TRHDE: variants seen among roughly 807,000 people sequenced by gnomAD.
TRHDE encodes the protein thyrotropin releasing hormone degrading enzyme.
In TRHDE, 72 loss-of-function variants were observed where a neutral mutation model predicts 125.7. The ratio of observed to expected loss-of-function variants is 0.57; its 90% CI spans 0.47 to 0.70. TRHDE has a LOEUF of 0.70. Among genes scored for constraint, TRHDE ranks in the 30% least tolerant of loss-of-function variants. The pLI is 0.00. For missense variants in TRHDE, 1,110 were observed against 1,327.1 expected, an observed-to-expected ratio of 0.84 and a Z score of 2.54; for synonymous variants, 509 against 509.1, an observed-to-expected ratio of 1.00 and a Z score of 0.00.
intron 10 of TRHDE, 94 bp from the exon 11 acceptor site, chr12:72,575,161 T>A: frequency 8.7e-7 from 1 of 1,143,068 alleles, no homozygotes; most frequent in Non-Finnish European, 1.3e-6. Flanking sequence ...ATTCACTTAA[T>A]TATTGGTATT....
chr12:72,189,177 TG>T (rs1443890901), intron 2 of TRHDE, among the ~76,000 whole-genome samples: 2 of 152,272 alleles, frequency 1.3e-5, no homozygotes, highest in Non-Finnish European at 2.9e-5. Context: ...TGAAGAAATC[TG>T]ATCAACTAAT....
chr12:72,273,078 C>T lies in TRHDE; in HGVS notation c.435C>T (p.His145=). 1.3e-6 allele frequency: 2 copies of T among 1,526,226 alleles called. No individual in the cohort carries two copies. The highest frequency in any genetic ancestry group is 1.8e-6 in the Non-Finnish European group (2 of 1,139,170). The allele number at this position is 1,526,226 out of a possible 1,614,324, so 94.5% of individuals were successfully genotyped here. A position where few individuals can be genotyped will look rare whatever the true frequency, so the allele number is the denominator to read the frequency against. Residue 145 remains histidine, a synonymous_variant, in exon 1 of 19, where the codon CAC becomes CAT. Coordinates refer to ENST00000261180, the MANE Select transcript of TRHDE (RefSeq NM_013381.3). This position sits in a 1 kb window ranked among gnomAD's most constrained non-coding sequence, Gnocchi z 5.3. ...GSLPGSARRN[H]HAGGDSWQPE... ...TCCCTGGATCGGCCCGGCGCAACCA[C>T]CACGCAGGCGGGGACTCCTGGCAGC...
rs543328830 is a variant in TRHDE, at chr12:72,411,294, CTAA to C, written c.1315+33175_1315+33177del. ...CATCAAAGAGATTCAACTATTATTA[CTAA>C]TGAGAATTCAATAAGGTGCATATTA... On this transcript the variant is annotated intron_variant, in intron 3 of 18. Coordinates refer to ENST00000261180, the MANE Select transcript of TRHDE (RefSeq NM_013381.3). 8.3e-3 allele frequency among the ~76,000 whole-genome samples: 1,242 copies of C among 150,418 alleles called. 9 individuals are homozygous for C. Among genetic ancestry groups the C allele is most frequent in the Middle Eastern group, 0.022 (6 of 278 alleles).
chr12:72,334,808 T>C (rs1869756618), intron 2 of TRHDE, among the ~76,000 whole-genome samples: 1 of 152,166 alleles, frequency 6.6e-6, no homozygotes, highest in Non-Finnish European at 1.5e-5. Context: ...ATTTATTACT[T>C]ACAGATCCTG....
Position 72,670,692 on chromosome 12 carries a change from G to A in TRHDE, c.*7497G>A, listed in dbSNP as rs1875225523. Reference sequence around the variant, plus strand: ...TAAAAACATATATTTGTGCTATATTGTAAAAATAAAAACAATTTGTTCTCC... The same window carrying A: ...TAAAAACATATATTTGTGCTATATTATAAAAATAAAAACAATTTGTTCTCC... On this transcript the variant is annotated 3_prime_UTR_variant, in exon 19 of 19. Coordinates refer to ENST00000261180, the MANE Select transcript of TRHDE (RefSeq NM_013381.3). 1 of 151,558 alleles carries A rather than the reference G, an allele frequency of 6.6e-6. No homozygotes were observed. The highest frequency in any genetic ancestry group is 1.5e-5 in the Non-Finnish European group (1 of 67,810). The allele number at this position is 151,558 out of a possible 1,614,324, so 9.4% of individuals were successfully genotyped here.
chr12:72,563,894 C>T (rs1038753742), intron 9 of TRHDE, among the ~76,000 whole-genome samples: 4 of 152,092 alleles, frequency 2.6e-5, no homozygotes, highest in African/African-American at 9.7e-5. Flanking sequence ...CTCATGCTGT[C>T]TCCCATTACC....
chr12:72,462,967 T>G (rs2135887810), intron 3 of TRHDE, among the ~76,000 whole-genome samples: 1 of 152,304 alleles, frequency 6.6e-6, no homozygotes, highest in Middle Eastern at 3.4e-3. Flanking sequence ...GAATGCCTAA[T>G]TCAAAGAAGT....
At chr12:72,379,088 T>G (rs1246612500) in intron 3 of TRHDE, among the ~76,000 whole-genome samples, 1 of 152,208 alleles carries the variant, frequency 6.6e-6, no homozygotes. Flanking sequence ...AAGAATAAAG[T>G]GCTTACTTGA....
chr12:72,303,451 G>T (rs1868292082), intron 2 of TRHDE, among the ~76,000 whole-genome samples: 1 of 152,080 alleles, frequency 6.6e-6, no homozygotes, highest in Non-Finnish European at 1.5e-5. Flanking sequence ...AGACTTGGTG[G>T]AGCCCCTACA....
At chr12:72,366,625 A>G (rs1429860930) in intron 2 of TRHDE, among the ~76,000 whole-genome samples, 1 of 152,090 alleles carries the variant, frequency 6.6e-6, no homozygotes, top group Non-Finnish European at 1.5e-5. Flanking sequence ...AGTCTTGTAG[A>G]AAGATAAGCC....
chr12:72,526,450 G>A (rs964701894), intron 6 of TRHDE, among the ~76,000 whole-genome samples: 7 of 152,072 alleles, frequency 4.6e-5, no homozygotes, highest in African/African-American at 7.2e-5. Context: ...TATTAAGCTC[G>A]TAATTGATAT....
At chr12:72,378,656 C>A (rs972585945) in intron 3 of TRHDE, among the ~76,000 whole-genome samples, 10 of 151,976 alleles carry the variant, frequency 6.6e-5, no homozygotes, top group African/African-American at 2.4e-4. Context: ...GTATGTTATC[C>A]CTTAGATTAT....
At chr12:72,533,452 C>T (rs896705820) in intron 6 of TRHDE, among the ~76,000 whole-genome samples, 3 of 152,118 alleles carry the variant, frequency 2.0e-5, no homozygotes, top group African/African-American at 7.2e-5. Context: ...GGATTACAGG[C>T]GTGAGCCACC....
chr12:72,471,453 G>A (rs1380189214), intron 4 of TRHDE, among the ~76,000 whole-genome samples: 1 of 152,198 alleles, frequency 6.6e-6, no homozygotes, highest in Non-Finnish European at 1.5e-5. Flanking sequence ...ATGTGTAATT[G>A]TTCGGAGAAC....
At chr12:72,449,147 T>C (rs1340617664) in intron 3 of TRHDE, among the ~76,000 whole-genome samples, 2 of 152,070 alleles carry the variant, frequency 1.3e-5, no homozygotes, top group African/African-American at 2.4e-5. Context: ...ATGTTTTTCA[T>C]TGACACCAGA....
intron 2 of TRHDE, among the ~76,000 whole-genome samples, chr12:72,317,936 G>T (rs951033911): frequency 5.9e-5 from 9 of 152,232 alleles, no homozygotes; most frequent in African/African-American, 1.9e-4. Context: ...CGAGGCACAG[G>T]TAAGAGGTTG....
chr12:72,461,442 TG>T (rs1876120265), intron 3 of TRHDE, among the ~76,000 whole-genome samples: 1 of 152,182 alleles, frequency 6.6e-6, no homozygotes, highest in South Asian at 2.1e-4. Context: ...ATATTAGTTA[TG>T]GGTTACTTCT....
intron 2 of TRHDE, among the ~76,000 whole-genome samples, chr12:72,341,462 T>C (rs930554338): frequency 1.3e-5 from 2 of 152,122 alleles, no homozygotes; most frequent in African/African-American, 4.8e-5. Flanking sequence ...TCTGATTTTG[T>C]TTCTGTTATT....
intron 2 of TRHDE, among the ~76,000 whole-genome samples, chr12:72,315,644 G>A (rs535931121): frequency 6.6e-6 from 1 of 152,358 alleles, no homozygotes; most frequent in East Asian, 1.9e-4. Flanking sequence ...CAGAGCTGCT[G>A]GAAAATGTGG....
Sources: allele counts gnomAD v4.1 joint callset (sites outside exome capture counted in the v4.1 genomes callset), GRCh38; gene constraint gnomAD v4.1.1; non-coding constraint Gnocchi (gnomAD v3.1); transcripts MANE v1.5; gene names NCBI Gene and HGNC (gene_info 2026-07-23, HGNC 2026-07-21).